Variants in CSMD1 observed in about 807,000 individuals in gnomAD.
The protein encoded by CSMD1 is CUB and sushi domain-containing protein 1.
A neutral mutation model predicts 417.5 loss-of-function variants in CSMD1; 213 were observed. The observed-to-expected ratio is 0.51, with a 90% CI of 0.46 to 0.57. CSMD1 has a LOEUF of 0.57. CSMD1 is among the 20% of genes least tolerant of loss of function. CSMD1 has a pLI of 0.00. For synonymous variants in CSMD1, 2,862 were observed against 1,736.8 expected, an observed-to-expected ratio of 1.65 and a Z score of -16.11; for missense variants, 6,923 against 4,529.7, an observed-to-expected ratio of 1.53 and a Z score of -15.17.
intron 5 of CSMD1, among the ~76,000 whole-genome samples, chr8:3,924,578 T>A (rs903024809): frequency 8.5e-5 from 13 of 152,208 alleles, no homozygotes; most frequent in African/African-American, 3.1e-4. Flanking sequence ...TCCCTGTGAC[T>A]GGATAATTTT....
At chr8:4,836,456 T>C (rs898565996) in intron 1 of CSMD1, among the ~76,000 whole-genome samples, 2 of 152,220 alleles carry the variant, frequency 1.3e-5, no homozygotes, top group Non-Finnish European at 2.9e-5. Context: ...CCTTAAGTGC[T>C]GTTCCATAGG....
intron 44 of CSMD1, 67 bp downstream of exon 44, chr8:3,108,536 G>A (rs1563052357): frequency 6.6e-7 from 1 of 1,519,762 alleles, no homozygotes; most frequent in Non-Finnish European, 9.0e-7. Flanking sequence ...ACAAGGCGTG[G>A]GACAACACTG....
chr8:3,265,236 A>C (rs1054477067), intron 26 of CSMD1, among the ~76,000 whole-genome samples: 2 of 152,112 alleles, frequency 1.3e-5, no homozygotes, highest in African/African-American at 4.8e-5. Context: ...AGAAATAATG[A>C]AAAAACAAGG....
intron 1 of CSMD1, among the ~76,000 whole-genome samples, chr8:4,791,702 T>C (rs115907893): frequency 7.9e-5 from 12 of 152,170 alleles, no homozygotes; most frequent in Admixed American, 3.3e-4. Context: ...TCTGGTACCA[T>C]TGTGCAAGCC....
At chr8:3,727,184 G>A (rs1197657995) in intron 6 of CSMD1, among the ~76,000 whole-genome samples, 1 of 152,192 alleles carries the variant, frequency 6.6e-6, no homozygotes, top group Non-Finnish European at 1.5e-5. Context: ...AGAGCAATGT[G>A]AATGTTTAAT....
intron 3 of CSMD1, among the ~76,000 whole-genome samples, chr8:4,033,501 C>G (rs1019259921): frequency 6.6e-6 from 1 of 152,102 alleles, no homozygotes; most frequent in African/African-American, 2.4e-5. Context: ...CTGGAAGCTC[C>G]CACTTCCAGT....
rs1175139473 is a variant in CSMD1, at chr8:3,083,608, TTTTA to T, written c.7474+3485_7474+3488del. ...CATCCACGGTGACAGTTACCATAAT[TTTTA>T]TATATATATATATATATATATATAT... is the stretch of plus-strand genomic sequence containing the variant. On this transcript the variant is annotated intron_variant, in intron 49 of 69. Transcript: ENST00000635120. Among the ~76,000 whole-genome samples the T allele has an allele frequency of 8.9e-3, 400 of 44,950 alleles. 38 individuals carry two copies. Among genetic ancestry groups the T allele is most frequent in the Middle Eastern group, 0.022 (2 of 90 alleles). 29.5% of individuals were successfully genotyped at this position (44,950 alleles called of 152,430 possible). A position where few individuals can be genotyped will look rare whatever the true frequency, so the allele number is the denominator to read the frequency against.
intron 6 of CSMD1, among the ~76,000 whole-genome samples, chr8:3,740,034 C>A (rs2720834): frequency 0.93 from 141,659 of 152,172 alleles, 66,810 homozygotes; most frequent in Non-Finnish European, 1. Flanking sequence ...CAATAAAATT[C>A]GTAGCCACTT....
intron 8 of CSMD1, among the ~76,000 whole-genome samples, chr8:3,598,123 T>C (rs1801180071): frequency 6.6e-6 from 1 of 152,186 alleles, no homozygotes; most frequent in African/African-American, 2.4e-5. Flanking sequence ...AAATCATATA[T>C]TTCCTAACGC....
chr8:2,946,600 C>T (rs1472970653), intron 68 of CSMD1, among the ~76,000 whole-genome samples: 1 of 152,110 alleles, frequency 6.6e-6, no homozygotes, highest in African/African-American at 2.4e-5. Flanking sequence ...ACTAATATTC[C>T]ATTGTATGGC....
At chr8:4,430,550 A>G (rs1227257433) in intron 2 of CSMD1, among the ~76,000 whole-genome samples, 1 of 152,126 alleles carries the variant, frequency 6.6e-6, no homozygotes, top group Non-Finnish European at 1.5e-5. Flanking sequence ...ACTCTCTAAT[A>G]AAAGTTACTC....
At chr8:4,206,381 T>TC (rs1799981442) in intron 3 of CSMD1, among the ~76,000 whole-genome samples, 1 of 152,058 alleles carries the variant, frequency 6.6e-6, no homozygotes, top group Non-Finnish European at 1.5e-5. Context: ...TATGTCATAT[T>TC]CCCCACCCTG....
At chr8:4,380,739 C>A (rs746106141) in intron 3 of CSMD1, among the ~76,000 whole-genome samples, 1 of 152,182 alleles carries the variant, frequency 6.6e-6, no homozygotes, top group Non-Finnish European at 1.5e-5. Flanking sequence ...GCACTTCATA[C>A]TGTCCTCACG....
chr8:3,670,112 C>A (rs1052620361), intron 7 of CSMD1, among the ~76,000 whole-genome samples: 59 of 151,972 alleles, frequency 3.9e-4, no homozygotes, highest in African/African-American at 1.4e-3. Context: ...AAGTGTTGAT[C>A]CTGGGTGTGT....
intron 4 of CSMD1, among the ~76,000 whole-genome samples, chr8:4,008,829 C>G (rs1400105142): frequency 2.6e-5 from 4 of 151,798 alleles, no homozygotes; most frequent in Non-Finnish European, 4.4e-5. Flanking sequence ...CCAGGATGGT[C>G]TCGATCTCCT....
chr8:3,838,803 A>G (rs1802890557), intron 5 of CSMD1, among the ~76,000 whole-genome samples: 1 of 104,820 alleles, frequency 9.5e-6, no homozygotes, highest in Admixed American at 1.2e-4. Flanking sequence ...AGTATAATAT[A>G]TAATAATTAT....
At chr8:4,328,292 A>G (rs1799673339) in intron 3 of CSMD1, among the ~76,000 whole-genome samples, 1 of 146,966 alleles carries the variant, frequency 6.8e-6, no homozygotes, top group Non-Finnish European at 1.5e-5. Context: ...TTAACTGTGA[A>G]TTACCACTTC....
chr8:4,438,368 C>G lies in CSMD1; in HGVS notation c.303-18303G>C, dbSNP rs373782833. 8.5e-5 allele frequency among the ~76,000 whole-genome samples: 13 copies of G among 152,314 alleles called. No individual in the cohort carries two copies. In the East Asian group the frequency reaches 1.7e-3, roughly 20 times the overall value. ...TCTGTCCTGCATCACCCCTTTCTCA[C>G]TGGAGCATGCAGCTTAATTATAAAT... On this transcript the variant is annotated intron_variant, in intron 2 of 69. Coordinates refer to ENST00000635120, the MANE Select transcript of CSMD1 (RefSeq NM_033225.6).
At chr8:4,304,695 T>G (rs117631950) in intron 3 of CSMD1, among the ~76,000 whole-genome samples, 1 of 152,172 alleles carries the variant, frequency 6.6e-6, no homozygotes, top group Admixed American at 6.6e-5. Flanking sequence ...AGTTTGAAGA[T>G]GATGCCCCTC....
Sources: allele counts gnomAD v4.1 joint callset (sites outside exome capture counted in the v4.1 genomes callset), GRCh38; gene constraint gnomAD v4.1.1; transcripts MANE v1.5; gene names NCBI Gene and HGNC (gene_info 2026-07-23, HGNC 2026-07-21).